LAMA4: variants seen among roughly 807,000 people sequenced by gnomAD.
LAMA4 encodes laminin subunit alpha-4.
In LAMA4, 127 loss-of-function variants were observed where a neutral mutation model predicts 207.1. That is an observed-to-expected ratio of 0.61 (90% confidence interval 0.53 to 0.71). The LOEUF is 0.71. Among genes scored for constraint, LAMA4 ranks in the 30% least tolerant of loss-of-function variants. The pLI is 0.00. For synonymous variants in LAMA4, 761 were observed against 816.0 expected (o/e 0.93, Z 1.15); for missense variants, 2,093 against 2,246.5 (o/e 0.93, Z 1.38).
At chr6:112,131,153 G>A (rs781856219) in intron 28 of LAMA4, 52 bp from the exon 29 acceptor site, 28 of 1,575,300 alleles carry the variant, frequency 1.8e-5, no homozygotes, top group Admixed American at 6.7e-5. Flanking sequence ...TCCAAAAGAC[G>A]GAAATGTTTT....
chr6:112,134,727 G>T, intron 25 of LAMA4, 118 bp from the exon 26 acceptor site: 1 of 823,198 alleles, frequency 1.2e-6, no homozygotes, highest in Non-Finnish European at 2.0e-6. Flanking sequence ...CTTTGTGCTT[G>T]TTTGTTCACA....
chr6:112,196,126 G>C (rs1193667197), intron 5 of LAMA4, among the ~76,000 whole-genome samples: 3 of 152,016 alleles, frequency 2.0e-5, no homozygotes, highest in African/African-American at 7.3e-5. Context: ...GACCAAATCA[G>C]GGTAATTAAT....
In LAMA4 at chr6:112,247,086, G is replaced by C. The variant is rs1345129939; in HGVS notation, c.195+6870C>G. On this transcript the variant is annotated intron_variant, in intron 2 of 38. Coordinates refer to ENST00000230538, the MANE Select transcript of LAMA4 (RefSeq NM_001105206.3). ...TAGTGTAGAGCTTTACCTGAAGATA[G>C]ACAGAGGCAGAGAGTGGAAAAATGA... 4.0e-5 allele frequency among the ~76,000 whole-genome samples: 6 copies of C among 151,540 alleles called. No individual in the cohort carries two copies. The East Asian group carries it at 1.2e-3, about 30-fold the overall frequency.
rs540702048 is a variant in LAMA4, at chr6:112,232,011, G to A, written c.196-15542C>T. 2.2e-4 allele frequency among the ~76,000 whole-genome samples: 34 copies of A among 152,314 alleles called. 1 individual carries two copies. Among genetic ancestry groups the A allele is most frequent in the South Asian group, 4.1e-4 (2 of 4,824 alleles). On this transcript the variant is annotated intron_variant, in intron 2 of 38. Transcript: ENST00000230538. ...TGCTCTTATTTGTAAAATGTGAGCA[G>A]TAGAACCCATTTAGCAAATATTTTA... is the stretch of plus-strand genomic sequence containing the variant.
At chr6:112,241,140 T>TATATAGGA (rs1554187577) in intron 2 of LAMA4, among the ~76,000 whole-genome samples, 7 of 68,422 alleles carry the variant, frequency 1.0e-4, no homozygotes, top group East Asian at 5.7e-4. Context: ...TATATAGGAA[T>TATATAGGA]ATATATATGA....
At chr6:112,186,074 C>T (rs542890681) in intron 8 of LAMA4, among the ~76,000 whole-genome samples, 3 of 152,194 alleles carry the variant, frequency 2.0e-5, no homozygotes, top group Non-Finnish European at 4.4e-5. Flanking sequence ...ATCCAGGCTA[C>T]AATACAATTT....
chr6:112,203,650 A>T (rs1422625238), intron 4 of LAMA4, among the ~76,000 whole-genome samples: 2 of 151,948 alleles, frequency 1.3e-5, no homozygotes, highest in Non-Finnish European at 2.9e-5. Context: ...TTTTGCAGCC[A>T]GTTTCCCCAG....
chr6:112,220,008 T>G (rs2345808), intron 2 of LAMA4, among the ~76,000 whole-genome samples: 19,556 of 152,240 alleles, frequency 0.13, 1,602 homozygotes, highest in Middle Eastern at 0.24. Context: ...TTCCAAATTT[T>G]TGCTGCTATT....
At chr6:112,218,816 G>T (rs1290948254) in intron 2 of LAMA4, 1 of 152,234 alleles carries the variant, frequency 6.6e-6, no homozygotes, top group African/African-American at 2.4e-5. Flanking sequence ...GAGTCATTTG[G>T]CCCCCCGCCG....
Position 112,198,986 on chromosome 6 carries a change from C to T in LAMA4, c.503+2622G>A, listed in dbSNP as rs146843323. Among the ~76,000 whole-genome samples the T allele has an allele frequency of 2.8e-4, 43 of 152,318 alleles. 1 individual carries two copies. The East Asian group carries it at 8.3e-3, about 29-fold the overall frequency. ...CCGGGTGGGTCACAAAGTGGTGGAG[C>T]TGAGATTCACACTCACCCAGGCTAA... On this transcript the variant is annotated intron_variant, in intron 5 of 38. Transcript: ENST00000230538.
chr6:112,120,485 A>G lies in LAMA4; in HGVS notation c.4476-13T>C. On this transcript the variant is annotated splice_polypyrimidine_tract_variant and intron_variant, in intron 32 of 38. Coordinates refer to ENST00000230538, the MANE Select transcript of LAMA4 (RefSeq NM_001105206.3). Reference sequence around the variant, plus strand: ...GGAAAACTGAGATCTGGTAAATGAAAAGAAAGGGATTACCATATGTAAAAT... The same window carrying G: ...GGAAAACTGAGATCTGGTAAATGAAGAGAAAGGGATTACCATATGTAAAAT... 1 of 1,598,428 alleles carries G rather than the reference A, an allele frequency of 6.3e-7. No homozygotes were observed. Among genetic ancestry groups the G allele is most frequent in the Non-Finnish European group, 8.6e-7 (1 of 1,166,062 alleles).
chr6:112,215,582 C>T (rs1483549977), intron 3 of LAMA4, among the ~76,000 whole-genome samples: 2 of 152,290 alleles, frequency 1.3e-5, no homozygotes, highest in East Asian at 1.9e-4. Context: ...ACACAGCTCA[C>T]GAAGGAAAAC....
In LAMA4 at chr6:112,222,786, C is replaced by T. The variant is rs113488587; in HGVS notation, c.196-6317G>A. Among the ~76,000 whole-genome samples the T allele has an allele frequency of 4.9e-3, 748 of 152,284 alleles. 4 individuals carry two copies. The highest frequency in any genetic ancestry group is 0.017 in the African/African-American group (704 of 41,566). ...TTGGCGTGTGTTGAAGTACTTGCTA[C>T]GCTTGCTAATAAATAGCCCTCTTTA... On this transcript the variant is annotated intron_variant, in intron 2 of 38. Transcript: ENST00000230538.
chr6:112,143,975 G>A (rs1178234876), intron 19 of LAMA4, among the ~76,000 whole-genome samples: 1 of 152,060 alleles, frequency 6.6e-6, no homozygotes, highest in African/African-American at 2.4e-5. Context: ...TCTACATTAC[G>A]AAATAGTTGA....
At chr6:112,214,565 C>T (rs1309196287) in intron 3 of LAMA4, among the ~76,000 whole-genome samples, 1 of 152,026 alleles carries the variant, frequency 6.6e-6, no homozygotes, top group Non-Finnish European at 1.5e-5. Context: ...TTACACTGAA[C>T]ATATATTACA....
chr6:112,139,918 C>A, intron 22 of LAMA4, 33 bp from the exon 23 acceptor site: 4 of 1,611,000 alleles, frequency 2.5e-6, no homozygotes, highest in Non-Finnish European at 3.4e-6. Flanking sequence ...CCACTTGTCT[C>A]ATGGTCATAT....
chr6:112,254,219 T>C lies in LAMA4; in HGVS notation c.-69A>G, dbSNP rs1787697562. 6.2e-7 allele frequency: 1 copy of C among 1,600,230 alleles called. No homozygotes were observed. Among genetic ancestry groups the C allele is most frequent in the African/African-American group, 1.3e-5 (1 of 74,730 alleles). ...TGTGGGTCTCCGTAGGTCTCCCGCG[T>C]GGTGCGGCGGTGCCTCGCTTATTTT... On this transcript the variant is annotated 5_prime_UTR_variant, in exon 2 of 39. Transcript: ENST00000230538.
intron 2 of LAMA4, chr6:112,219,716 A>C (rs1377087808): frequency 6.6e-6 from 1 of 152,218 alleles, no homozygotes; most frequent in Non-Finnish European, 1.5e-5. Context: ...TATTTAATTG[A>C]ACATGAATAT....
intron 2 of LAMA4, among the ~76,000 whole-genome samples, chr6:112,243,887 G>C (rs972915802): frequency 6.6e-6 from 1 of 151,836 alleles, no homozygotes; most frequent in Admixed American, 6.6e-5. Flanking sequence ...GTGAAACCCT[G>C]TCTCTACCAA....
Sources: gnomAD v4.1 joint callset for allele counts (sites outside exome capture counted in the v4.1 genomes callset) on GRCh38, gnomAD v4.1.1 for gene constraint, MANE v1.5 for transcripts, NCBI Gene and HGNC (gene_info 2026-07-23, HGNC 2026-07-21) for gene names.